ARHGEF10L: variants seen among roughly 807,000 people sequenced by gnomAD.
The protein encoded by ARHGEF10L is Rho guanine nucleotide exchange factor 10 like, also known as rho guanine nucleotide exchange factor 10-like protein.
In ARHGEF10L, 69 loss-of-function variants were observed where a neutral mutation model predicts 141.2. That is an observed-to-expected ratio of 0.49 (90% confidence interval 0.40 to 0.60). The LOEUF (loss-of-function observed/expected upper bound fraction) is 0.60. Among genes scored for constraint, ARHGEF10L ranks in the 20% least tolerant of loss-of-function variants. ARHGEF10L has a pLI of 0.00. For missense variants in ARHGEF10L, 1,482 were observed against 1,734.3 expected (o/e 0.85, Z 2.58); for synonymous variants, 711 against 718.5 (o/e 0.99, Z 0.17).
At chr1:17,590,751 T>C (rs1284172250) in intron 4 of ARHGEF10L, among the ~76,000 whole-genome samples, 1 of 151,996 alleles carries the variant, frequency 6.6e-6, no homozygotes, top group Non-Finnish European at 1.5e-5. Flanking sequence ...CTTTGGGAAG[T>C]CAAGGTGGGT....
chr1:17,572,647 G>A (rs2078051097), intron 1 of ARHGEF10L, among the ~76,000 whole-genome samples: 1 of 152,198 alleles, frequency 6.6e-6, no homozygotes, highest in African/African-American at 2.4e-5. Flanking sequence ...CCTGCCTTGG[G>A]TATGTACCCG....
chr1:17,586,375 GA>G (rs2079026581), intron 2 of ARHGEF10L, among the ~76,000 whole-genome samples: 1 of 152,190 alleles, frequency 6.6e-6, no homozygotes, highest in South Asian at 2.1e-4. Flanking sequence ...ATGTGCCCAC[GA>G]GAGGGCTGCT....
At chr1:17,669,391 C>T (rs2063180016) in intron 26 of ARHGEF10L, among the ~76,000 whole-genome samples, 1 of 152,150 alleles carries the variant, frequency 6.6e-6, no homozygotes, top group African/African-American at 2.4e-5. Flanking sequence ...ATGAGTTTTG[C>T]GCTTTACCTA....
At chr1:17,539,684 G>GCGGGGGCGGCGCCGCGTCGCGCA (rs2076642417), upstream of ARHGEF10L, among the ~76,000 whole-genome samples, 1 of 146,900 alleles carries the variant, frequency 6.8e-6, no homozygotes. This position sits in a 1 kb window ranked among gnomAD's most constrained non-coding sequence, Gnocchi z 6.0. Context: ...GACCGGGCGG[G>GCGGGGGCGGCGCCGCGTCGCGCA]CGGGGGCGGC....
chr1:17,618,203 A>C, intron 9 of ARHGEF10L: 1 of 910,090 alleles, frequency 1.1e-6, no homozygotes, highest in Non-Finnish European at 1.6e-6. Context: ...CTGGCTGGGA[A>C]CTCTTCCTGG....
chr1:17,583,650 G>A (rs1006255668), intron 2 of ARHGEF10L, among the ~76,000 whole-genome samples: 4 of 152,034 alleles, frequency 2.6e-5, no homozygotes, highest in African/African-American at 7.3e-5. Context: ...CAGGTGGCCC[G>A]ACTCTAGAAC....
chr1:17,552,572 T>TTTTTTTTTTG, intron 1 of ARHGEF10L, among the ~76,000 whole-genome samples: 1 of 15,908 alleles, frequency 6.3e-5, no homozygotes. Flanking sequence ...CTAATTTTCG[T>TTTTTTTTTTG]TTTTTTTTTT....
At chr1:17,526,455 GT>G in the ARHGEF10L span, among the ~76,000 whole-genome samples, 2 of 152,186 alleles carry the variant, frequency 1.3e-5, no homozygotes, top group South Asian at 4.1e-4. Flanking sequence ...CCTTCTGATG[GT>G]GTGAACTTGG....
chr1:17,638,072 T>C (rs2061116708), intron 19 of ARHGEF10L, 69 bp downstream of exon 19: 4 of 1,408,768 alleles, frequency 2.8e-6, no homozygotes, highest in Middle Eastern at 2.1e-4. Context: ...TTCAGAAAGC[T>C]GAGTAGGGAG....
At chr1:17,549,736 A>G (rs2077044222) in intron 1 of ARHGEF10L, among the ~76,000 whole-genome samples, 1 of 152,218 alleles carries the variant, frequency 6.6e-6, no homozygotes, top group East Asian at 1.9e-4. Flanking sequence ...TCCACTTCCC[A>G]TAAATACCTT....
At chr1:17,668,012 A>T (rs1379578297) in intron 26 of ARHGEF10L, among the ~76,000 whole-genome samples, 5 of 152,150 alleles carry the variant, frequency 3.3e-5, no homozygotes, top group Non-Finnish European at 7.4e-5. Flanking sequence ...TAAGTCATGG[A>T]GCCTTCCTGG....
chr1:17,535,487 G>T (rs971436394), upstream of ARHGEF10L, among the ~76,000 whole-genome samples: 1 of 152,186 alleles, frequency 6.6e-6, no homozygotes, highest in African/African-American at 2.4e-5. Context: ...AGGCAGCGGC[G>T]GGGGCCCTGG....
At chr1:17,580,521 A>G in intron 1 of ARHGEF10L, 32 bp from the exon 2 acceptor site, 2 of 1,596,070 alleles carry the variant, frequency 1.3e-6, no homozygotes, top group Non-Finnish European at 1.7e-6. Flanking sequence ...CCCTGACTCC[A>G]GCTAATGCGA....
At chr1:17,557,773 A>G (rs2077393816) in intron 1 of ARHGEF10L, among the ~76,000 whole-genome samples, 1 of 152,200 alleles carries the variant, frequency 6.6e-6, no homozygotes, top group Non-Finnish European at 1.5e-5. Flanking sequence ...CTCGGACATT[A>G]TGTCACCTGC....
At chr1:17,614,921 G>T (rs1048221978) in intron 8 of ARHGEF10L, among the ~76,000 whole-genome samples, 2 of 152,086 alleles carry the variant, frequency 1.3e-5, no homozygotes, top group African/African-American at 4.8e-5. Flanking sequence ...GGACCAAAGG[G>T]TTATTGGAGG....
chr1:17,629,775 C>T (rs1318651730), intron 15 of ARHGEF10L, among the ~76,000 whole-genome samples: 4 of 152,228 alleles, frequency 2.6e-5, no homozygotes, highest in African/African-American at 4.8e-5. Context: ...CATGACCACC[C>T]GTGCTGGCCT....
the ARHGEF10L span, among the ~76,000 whole-genome samples, chr1:17,518,710 T>C: frequency 6.7e-6 from 1 of 149,394 alleles, no homozygotes; most frequent in African/African-American, 2.5e-5. Flanking sequence ...GAGAATCACT[T>C]GAACCTGGGA....
intron 22 of ARHGEF10L, among the ~76,000 whole-genome samples, chr1:17,653,478 C>T (rs150388397): frequency 2.6e-5 from 4 of 152,302 alleles, no homozygotes; most frequent in Non-Finnish European, 5.9e-5. Flanking sequence ...CAGGGGCTGC[C>T]GTGGCCTCGT....
rs2062288789 is a variant in ARHGEF10L, at chr1:17,656,819, C to T, written c.2860+111C>T. The T allele has an allele frequency of 7.3e-7, 1 of 1,368,450 alleles. No homozygotes were observed. Among genetic ancestry groups the T allele is most frequent in the African/African-American group, 1.4e-5 (1 of 69,728 alleles). The allele number at this position is 1,368,450 out of a possible 1,614,324, so 84.8% of individuals were successfully genotyped here. On this transcript the variant is annotated intron_variant, in intron 25 of 28. Transcript: ENST00000361221. The surrounding 1 kb of genome is among the most constrained non-coding windows in gnomAD (Gnocchi z 4.9). ...GCTGGGCAGGAATGAATTGGGAAAT[C>T]TCAGTGCTGAGGGCATTTGGAGATC...
Sources: allele counts gnomAD v4.1 joint callset (sites outside exome capture counted in the v4.1 genomes callset), GRCh38; gene constraint gnomAD v4.1.1; non-coding constraint Gnocchi (gnomAD v3.1); transcripts MANE v1.5; gene names NCBI Gene and HGNC (gene_info 2026-07-23, HGNC 2026-07-21).